DBF4: variants seen among roughly 807,000 people sequenced by gnomAD.
DBF4 encodes the protein DBF4-CDC7 kinase regulatory subunit.
In DBF4, 25 loss-of-function variants were observed where a neutral mutation model predicts 76.6. The ratio of observed to expected loss-of-function variants is 0.33; its 90% CI spans 0.24 to 0.46. The LOEUF (loss-of-function observed/expected upper bound fraction) is 0.46. DBF4 is among the 20% of genes least tolerant of loss of function. The probability of loss-of-function intolerance (pLI) is 1.00; values close to 1 mark genes in which losing one functional copy is unlikely to be tolerated. For synonymous variants in DBF4, 213 were observed against 258.0 expected (o/e 0.83, Z 1.67); for missense variants, 638 against 760.8 (o/e 0.84, Z 1.90).
chr7:87,888,679 T>C (rs773116732), intron 6 of DBF4, among the ~76,000 whole-genome samples: 30 of 152,238 alleles, frequency 2.0e-4, no homozygotes, highest in Non-Finnish European at 3.7e-4. Flanking sequence ...TTGTAATTCC[T>C]CATCCAAAGT....
Position 87,880,861 on chromosome 7 carries a change from C to G in DBF4, c.219+2636C>G, listed in dbSNP as rs549845244. Reference sequence around the variant, plus strand: ...GGATCAGCCACAGTTAGGTCCATGTCTAAATAGTTTTGGCTAAAATAAGGC... The same window carrying G: ...GGATCAGCCACAGTTAGGTCCATGTGTAAATAGTTTTGGCTAAAATAAGGC... On this transcript the variant is annotated intron_variant, in intron 2 of 11. Coordinates refer to ENST00000265728, the MANE Select transcript of DBF4 (RefSeq NM_006716.4). Among the ~76,000 whole-genome samples the G allele has an allele frequency of 1.2e-3, 179 of 152,110 alleles. 1 individual carries two copies. The highest frequency in any genetic ancestry group is 1.7e-3 in the Non-Finnish European group (116 of 68,004).
chr7:87,897,156 C>A, intron 7 of DBF4, 138 bp from the exon 8 acceptor site: 1 of 675,990 alleles, frequency 1.5e-6, no homozygotes, highest in Non-Finnish European at 2.5e-6. Context: ...AATGGAAGTA[C>A]CTCATCTGAG....
intron 1 of DBF4, among the ~76,000 whole-genome samples, chr7:87,877,670 A>G (rs1839102554): frequency 6.6e-6 from 1 of 152,248 alleles, no homozygotes; most frequent in Non-Finnish European, 1.5e-5. Context: ...TTTCATCGCT[A>G]AATGAAGTTT....
rs1584378484 is a variant in DBF4 at position 87,908,882 on chromosome 7, CCATCCTGGCCAA to C, written c.*723_*734del. 1 of 152,228 alleles carries C rather than the reference CCATCCTGGCCAA, an allele frequency of 6.6e-6. No homozygotes were observed. Among genetic ancestry groups the C allele is most frequent in the East Asian group, 1.9e-4 (1 of 5,206 alleles). 9.4% of individuals were successfully genotyped at this position (152,228 alleles called of 1,614,324 possible). A position where few individuals can be genotyped will look rare whatever the true frequency, so the allele number is the denominator to read the frequency against. On this transcript the variant is annotated 3_prime_UTR_variant, in exon 12 of 12. Transcript: ENST00000265728. ...TGATCACGAGGTCAGAAGATCAAGACCATCCTGGCCAACATGGTGAAACCTTGTCTACTAAAA... is the reference window on the plus strand; with the variant it reads ...TGATCACGAGGTCAGAAGATCAAGACCATGGTGAAACCTTGTCTACTAAAA...
Position 87,892,969 on chromosome 7 carries a change from G to A in DBF4, c.598-3505G>A, listed in dbSNP as rs143703428. Among the ~76,000 whole-genome samples, 82 of 152,224 alleles carry A rather than the reference G, an allele frequency of 5.4e-4. No individual in the cohort carries two copies. The East Asian group carries it at 0.015, about 28-fold the overall frequency. On this transcript the variant is annotated intron_variant, in intron 6 of 11. Coordinates refer to ENST00000265728, the MANE Select transcript of DBF4 (RefSeq NM_006716.4). ...ATAGTCTATCTTGGTAACATTCCAT[G>A]TGCAGTTGAAGAAAATGTATATTCT...
At chr7:87,881,901 TAGAC>T (rs1230128074) in intron 2 of DBF4, among the ~76,000 whole-genome samples, 1 of 152,166 alleles carries the variant, frequency 6.6e-6, no homozygotes, top group Non-Finnish European at 1.5e-5. Flanking sequence ...GCAAGGCAAA[TAGAC>T]ATACTAAATA....
At chr7:87,902,624 A>C (rs1839815049) in intron 10 of DBF4, among the ~76,000 whole-genome samples, 1 of 152,232 alleles carries the variant, frequency 6.6e-6, no homozygotes, top group South Asian at 2.1e-4. Flanking sequence ...TATAAGGATG[A>C]GTAAGAAGAA....
intron 2 of DBF4, among the ~76,000 whole-genome samples, chr7:87,882,865 C>T (rs567769751): frequency 3.3e-5 from 5 of 152,110 alleles, no homozygotes; most frequent in South Asian, 2.1e-4. Context: ...TAGTGTAACA[C>T]GATATAGCCA....
At chr7:87,902,571 C>T (rs1839813339) in intron 10 of DBF4, among the ~76,000 whole-genome samples, 1 of 152,058 alleles carries the variant, frequency 6.6e-6, no homozygotes, top group South Asian at 2.1e-4. Flanking sequence ...ATGAGGGTCT[C>T]AAAAGGCCCA....
intron 2 of DBF4, among the ~76,000 whole-genome samples, chr7:87,883,458 C>A (rs187070565): frequency 1.3e-5 from 2 of 152,168 alleles, no homozygotes; most frequent in Admixed American, 1.3e-4. Flanking sequence ...TATAGGAGAT[C>A]GGGTTTCTTA....
At chr7:87,892,202 A>G (rs1051793973) in intron 6 of DBF4, among the ~76,000 whole-genome samples, 2 of 152,348 alleles carry the variant, frequency 1.3e-5, no homozygotes. Flanking sequence ...TCATTATAGT[A>G]TCATACAGAA....
chr7:87,878,777 G>T (rs1478688620), intron 2 of DBF4, among the ~76,000 whole-genome samples: 1 of 152,166 alleles, frequency 6.6e-6, no homozygotes, highest in African/African-American at 2.4e-5. Context: ...AAAATTCTAG[G>T]ACCTTAATAG....
chr7:87,878,281 A>T, intron 2 of DBF4, 56 bp downstream of exon 2: 1 of 1,358,350 alleles, frequency 7.4e-7, no homozygotes, highest in Non-Finnish European at 1.0e-6. Flanking sequence ...AGTACTTTCT[A>T]CTGTGTAATC....
chr7:87,876,651 C>T lies in DBF4; in HGVS notation c.-82C>T, dbSNP rs954163322. 3.9e-6 allele frequency: 6 copies of T among 1,521,532 alleles called. No individual in the cohort carries two copies. Among genetic ancestry groups the T allele is most frequent in the Non-Finnish European group, 5.4e-6 (6 of 1,109,130 alleles). The allele number at this position is 1,521,532 out of a possible 1,614,324, so 94.3% of individuals were successfully genotyped here. A position where few individuals can be genotyped will look rare whatever the true frequency, so the allele number is the denominator to read the frequency against. Reference sequence around the variant, plus strand: ...AGGAGAGAGGCGGCCGTCCTGTCAACAGGCCGGGGGAAGCCGTGCTTTCGC... The same window carrying T: ...AGGAGAGAGGCGGCCGTCCTGTCAATAGGCCGGGGGAAGCCGTGCTTTCGC... On this transcript the variant is annotated 5_prime_UTR_variant, in exon 1 of 12. Coordinates refer to ENST00000265728, the MANE Select transcript of DBF4 (RefSeq NM_006716.4).
At chr7:87,880,600 T>TATAAAATA (rs1839187541) in intron 2 of DBF4, among the ~76,000 whole-genome samples, 1 of 152,230 alleles carries the variant, frequency 6.6e-6, no homozygotes, top group South Asian at 2.1e-4. Flanking sequence ...AACGATCTTC[T>TATAAAATA]ACATGAGTTA....
At chr7:87,888,277 C>T (rs1249799710) in intron 6 of DBF4, 2 of 984,610 alleles carry the variant, frequency 2.0e-6, no homozygotes, top group African/African-American at 3.5e-5. Flanking sequence ...GCTTCCTCAG[C>T]CCCCTTTTGT....
At chr7:87,896,452 T>C in intron 6 of DBF4, 22 bp from the exon 7 acceptor site, 2 of 1,606,478 alleles carry the variant, frequency 1.2e-6, no homozygotes, top group Non-Finnish European at 1.7e-6. Context: ...AGCCAATCTT[T>C]TCACTATATA....
At chr7:87,900,010 A>G (rs1839734378) in intron 8 of DBF4, among the ~76,000 whole-genome samples, 1 of 152,144 alleles carries the variant, frequency 6.6e-6, no homozygotes, top group Admixed American at 6.5e-5. Context: ...TAAAATGGTT[A>G]AGGTAATAAA....
chr7:87,878,834 A>ATT (rs1016329768), intron 2 of DBF4, among the ~76,000 whole-genome samples: 8 of 152,100 alleles, frequency 5.3e-5, no homozygotes, highest in African/African-American at 1.7e-4. Flanking sequence ...GGTAATTAAG[A>ATT]TTTTTTTCTG....
Sources: allele counts gnomAD v4.1 joint callset (sites outside exome capture counted in the v4.1 genomes callset), GRCh38; gene constraint gnomAD v4.1.1; transcripts MANE v1.5; gene names NCBI Gene and HGNC (gene_info 2026-07-23, HGNC 2026-07-21).